Variants in COL4A5 observed in about 807,000 individuals in gnomAD.
COL4A5 encodes the protein collagen alpha-5(IV) chain.
COL4A5 carries 26 observed loss-of-function variants against 130.2 expected under a neutral mutation model. That is an observed-to-expected ratio of 0.20 (90% CI 0.15 to 0.28). The LOEUF is 0.28. Among genes scored for constraint, COL4A5 ranks in the 10% least tolerant of loss-of-function variants. COL4A5 has a pLI of 1.00. For synonymous variants in COL4A5, 496 were observed against 439.6 expected, an observed-to-expected ratio of 1.13 and a Z score of -1.60; for missense variants, 1,131 against 1,344.3, an observed-to-expected ratio of 0.84 and a Z score of 2.48.
At chrX:108,542,813 G>C (rs2065569584) in intron 2 of COL4A5, among the ~76,000 whole-genome samples, 1 of 106,474 alleles carries the variant, frequency 9.4e-6, no homozygotes, top group African/African-American at 3.6e-5. Flanking sequence ...ACTGGTGTGA[G>C]ATGGTATCTC....
rs757548488 is a variant in COL4A5, at chrX:108,444,066, A to G, written c.81+3860A>G. ...TGTTTTATTCTATAGGTTATAATGA[A>G]TTATGCTCTTACTACTTTTTGTTTT... On this transcript the variant is annotated intron_variant, in intron 1 of 52. Transcript: ENST00000328300. Among the ~76,000 whole-genome samples, 3 of 111,487 alleles carry G rather than the reference A, an allele frequency of 2.7e-5. No homozygotes were observed. The South Asian group carries it at 1.1e-3, about 42-fold the overall frequency.
At chrX:108,525,534 T>C (rs1373601088) in intron 1 of COL4A5, among the ~76,000 whole-genome samples, 4 of 111,998 alleles carry the variant, frequency 3.6e-5, no homozygotes, top group Admixed American at 1.9e-4. Context: ...TTTTGTTTTC[T>C]ATGTATCTCA....
intron 28 of COL4A5, among the ~76,000 whole-genome samples, chrX:108,605,003 A>G (rs2066704783): frequency 8.9e-6 from 1 of 112,288 alleles, no homozygotes; most frequent in South Asian, 3.7e-4. Flanking sequence ...AGGGAATGTT[A>G]TGGCTGGTTT....
intron 50 of COL4A5, 78 bp from the exon 51 acceptor site, chrX:108,694,729 G>A: frequency 2.7e-6 from 2 of 751,179 alleles, no homozygotes; most frequent in South Asian, 4.2e-5. Flanking sequence ...ATACTAAGAA[G>A]GCTTCCAATG....
At chrX:108,526,942 T>A (rs1355423027) in intron 1 of COL4A5, among the ~76,000 whole-genome samples, 4 of 106,471 alleles carry the variant, frequency 3.8e-5, no homozygotes, top group Non-Finnish European at 7.7e-5. Context: ...TGATGTTTAA[T>A]TTTTTTTGTA....
intron 36 of COL4A5, chrX:108,627,132 A>C: frequency 1.5e-6 from 1 of 678,588 alleles, no homozygotes; most frequent in Non-Finnish European, 1.8e-6. Context: ...GAGATAATCA[A>C]GAGAAGTTTC....
rs773308281 is a variant in COL4A5 at position 108,694,893 on chromosome X, C to A, written c.4793C>A (p.Ser1598Tyr). ...QIPHCPQGWDSLWIGYSFMMH... is the reference protein window; with the variant it reads ...QIPHCPQGWDYLWIGYSFMMH... ...CCCCATTGTCCTCAGGGATGGGATT[C>A]TCTGTGGATTGGTTATTCCTTCATG... is the stretch of plus-strand genomic sequence containing the variant. The change falls in exon 51 of 53, where the codon TCT (serine) becomes TAT (tyrosine). Residue 1598 changes from serine to tyrosine, a missense_variant. Physicochemically the swap from Ser to Tyr is moderately radical, Grantham distance 144. Transcript: ENST00000328300. 2 of 1,202,983 alleles carry A rather than the reference C, an allele frequency of 1.7e-6. No individual in the cohort carries two copies. Among genetic ancestry groups the A allele is most frequent in the Admixed American group, 2.2e-5 (1 of 45,972 alleles).
chrX:108,573,685 A>G lies in COL4A5; in HGVS notation c.546+31A>G, dbSNP rs770905195. 11 of 985,753 alleles carry G rather than the reference A, an allele frequency of 1.1e-5. No homozygotes were observed. In the East Asian group the frequency reaches 2.4e-4, roughly 22 times the overall value. 81.2% of individuals were successfully genotyped at this position (985,753 alleles called of 1,213,427 possible). ...TATCCAGTGATTTTCTTTTTTTGCT[A>G]TATTGATTAAACCAGAAGATTACAA... On this transcript the variant is annotated intron_variant, in intron 9 of 52. Coordinates refer to ENST00000328300, the MANE Select transcript of COL4A5 (RefSeq NM_033380.3).
At chrX:108,560,409 G>A (rs985706979) in intron 3 of COL4A5, among the ~76,000 whole-genome samples, 1 of 112,695 alleles carries the variant, frequency 8.9e-6, no homozygotes, top group Admixed American at 9.4e-5. Flanking sequence ...CACTATGTGG[G>A]CCAAGGAGTT....
chrX:108,500,638 G>C (rs1426867381), intron 1 of COL4A5, among the ~76,000 whole-genome samples: 1 of 111,802 alleles, frequency 8.9e-6, no homozygotes, highest in Non-Finnish European at 1.9e-5. Context: ...TTAAGAAATA[G>C]CCTCTATTGC....
At chrX:108,639,041 G>A (rs1458718929) in intron 36 of COL4A5, among the ~76,000 whole-genome samples, 6 of 110,459 alleles carry the variant, frequency 5.4e-5, no homozygotes, top group Admixed American at 9.6e-5. Flanking sequence ...TTCCAGAAAC[G>A]AAAAACTTAG....
At chrX:108,611,223 A>G (rs150421312) in intron 29 of COL4A5, among the ~76,000 whole-genome samples, 3,309 of 111,369 alleles carry the variant, frequency 0.03, 118 homozygotes, top group African/African-American at 0.1. Flanking sequence ...TATATGAGGA[A>G]GAAAATGTGC....
rs1011484409 is a variant in COL4A5 at position 108,681,761 on chromosome X, T to A, written c.4089T>A (p.Gly1363=). 1 of 1,206,309 alleles carries A rather than the reference T, an allele frequency of 8.3e-7. No individual in the cohort carries two copies. The highest frequency in any genetic ancestry group is 1.8e-5 in the African/African-American group (1 of 56,683). Residue 1363 remains glycine (G), a splice_region_variant and synonymous_variant, in exon 47 of 53, where the codon GGT becomes GGA. Coordinates refer to ENST00000328300, the MANE Select transcript of COL4A5 (RefSeq NM_033380.3). The part of the protein sequence containing the change: ...EGEPGLIGPP[G]PPGLPGPSGQ... Reference sequence around the variant, plus strand: ...AAATTTGTGTGTTTTGTCTCATAGGTCCTCCTGGATTACCTGGTCCTTCAG... The same window carrying A: ...AAATTTGTGTGTTTTGTCTCATAGGACCTCCTGGATTACCTGGTCCTTCAG...
intron 37 of COL4A5, among the ~76,000 whole-genome samples, chrX:108,657,636 T>C (rs1161312562): frequency 9.0e-6 from 1 of 111,582 alleles, no homozygotes; most frequent in Non-Finnish European, 1.9e-5. Flanking sequence ...TCTCCATTTA[T>C]GTAGGTATTG....
chrX:108,650,592 C>T lies in COL4A5; in HGVS notation c.3247-4739C>T, dbSNP rs73253693. On this transcript the variant is annotated intron_variant, in intron 36 of 52. Transcript: ENST00000328300. ...TACATATATACAATGGAATTCTACT[C>T]GGCCATTAAAAGGAATAAATTAATG... Among the ~76,000 whole-genome samples the T allele has an allele frequency of 2.4e-3, 263 of 111,452 alleles. 1 individual carries two copies. The highest frequency in any genetic ancestry group is 7.5e-3 in the South Asian group (20 of 2,660).
chrX:108,695,503 G>C (rs1157707983), intron 52 of COL4A5, 64 bp downstream of exon 52: 3 of 1,027,233 alleles, frequency 2.9e-6, no homozygotes, highest in African/African-American at 1.9e-5. Context: ...GGAAGAAAGA[G>C]ACAATTTATG....
intron 1 of COL4A5, among the ~76,000 whole-genome samples, chrX:108,473,633 A>ATATATATTTTT: frequency 2.6e-4 from 9 of 34,558 alleles, no homozygotes; most frequent in East Asian, 9.7e-4. Flanking sequence ...ATATATATAT[A>ATATATATTTTT]TTTTTTTTTT....
chrX:108,463,505 G>C (rs2064673918), intron 1 of COL4A5, among the ~76,000 whole-genome samples: 1 of 111,493 alleles, frequency 9.0e-6, no homozygotes, highest in South Asian at 3.8e-4. Context: ...TTGTGGGAGG[G>C]AGATAACGCT....
At chrX:108,595,251 T>C (rs1490409261) in intron 21 of COL4A5, among the ~76,000 whole-genome samples, 2 of 111,917 alleles carry the variant, frequency 1.8e-5, no homozygotes, top group Non-Finnish European at 3.8e-5. Context: ...CCTGGTAGAG[T>C]GTGAGGCATG....
Sources: gnomAD v4.1 joint callset for allele counts (sites outside exome capture counted in the v4.1 genomes callset) on GRCh38, gnomAD v4.1.1 for gene constraint, MANE v1.5 for transcripts, NCBI Gene and HGNC (gene_info 2026-07-23, HGNC 2026-07-21) for gene names.